Variants in GNAO1 observed in about 807,000 individuals in gnomAD.
GNAO1 encodes guanine nucleotide-binding protein G(o) subunit alpha.
For missense variants in GNAO1, 166 were observed against 478.7 expected, an observed-to-expected ratio of 0.35 and a Z score of 6.10; for synonymous variants, 164 against 180.7, an observed-to-expected ratio of 0.91 and a Z score of 0.74.
chr16:56,268,355 A>G (rs1220271160), intron 2 of GNAO1, among the ~76,000 whole-genome samples: 2 of 152,224 alleles, frequency 1.3e-5, no homozygotes, highest in Non-Finnish European at 2.9e-5. Context: ...GCCTTATCTT[A>G]CCATCTAGAT....
intron 5 of GNAO1, among the ~76,000 whole-genome samples, chr16:56,335,169 GC>G (rs1207509664): frequency 7.9e-5 from 12 of 152,194 alleles, no homozygotes; most frequent in Non-Finnish European, 1.6e-4. Flanking sequence ...CTACCAGGGG[GC>G]CCTTCCAAGG....
At chr16:56,197,307 T>A (rs1410198266) in intron 2 of GNAO1, among the ~76,000 whole-genome samples, 1 of 152,200 alleles carries the variant, frequency 6.6e-6, no homozygotes, top group African/African-American at 2.4e-5. Flanking sequence ...CTGCTTTGCC[T>A]CCCTCCCTTC....
At chr16:56,261,665 C>T (rs568686519) in intron 2 of GNAO1, among the ~76,000 whole-genome samples, 4 of 152,054 alleles carry the variant, frequency 2.6e-5, no homozygotes, top group African/African-American at 9.7e-5. Flanking sequence ...ATCAGCTGAT[C>T]CCCGAAATGC....
chr16:56,245,397 T>C (rs1403163626), intron 2 of GNAO1: 1 of 154,548 alleles, frequency 6.5e-6, no homozygotes, highest in African/African-American at 2.4e-5. Context: ...TTCACAACAC[T>C]GGCCAGTTAA....
chr16:56,334,673 T>C, intron 4 of GNAO1, 56 bp from the exon 5 acceptor site: 1 of 1,598,082 alleles, frequency 6.3e-7, no homozygotes, highest in Non-Finnish European at 8.6e-7. Flanking sequence ...GCCTGGCCAG[T>C]CCCGAACAGT....
intron 3 of GNAO1, chr16:56,277,134 C>T (rs538427467): frequency 1.3e-5 from 2 of 152,238 alleles, no homozygotes; most frequent in African/African-American, 4.8e-5. Context: ...GTCATCCAGC[C>T]CAGGCATTGG....
intron 2 of GNAO1, among the ~76,000 whole-genome samples, chr16:56,259,004 A>G (rs2036878957): frequency 6.6e-6 from 1 of 152,224 alleles, no homozygotes; most frequent in African/African-American, 2.4e-5. Context: ...AGGCACACAT[A>G]CGCGTGGCTT....
intron 3 of GNAO1, among the ~76,000 whole-genome samples, chr16:56,279,324 C>A (rs1308146758): frequency 6.6e-6 from 1 of 152,180 alleles, no homozygotes; most frequent in Non-Finnish European, 1.5e-5. Flanking sequence ...GGTGTGGAGT[C>A]ACTTGGGGCC....
intron 2 of GNAO1, among the ~76,000 whole-genome samples, chr16:56,253,793 G>A (rs2036821151): frequency 6.6e-6 from 1 of 152,240 alleles, no homozygotes; most frequent in Non-Finnish European, 1.5e-5. Context: ...CTTGTGGGAT[G>A]AAGGGGCCAG....
At chr16:56,198,522 G>A (rs1290158928) in intron 2 of GNAO1, among the ~76,000 whole-genome samples, 3 of 152,196 alleles carry the variant, frequency 2.0e-5, no homozygotes, top group Non-Finnish European at 4.4e-5. Flanking sequence ...AGGCTGCCTG[G>A]CTTCAAATCT....
chr16:56,235,288 A>G, intron 2 of GNAO1: 1 of 455,674 alleles, frequency 2.2e-6, no homozygotes, highest in Non-Finnish European at 4.4e-6. Flanking sequence ...AACTTGATAG[A>G]GATTTAGAAT....
rs114863290 is a variant in GNAO1, at chr16:56,324,385, C to G, written c.304-4246C>G. Among the ~76,000 whole-genome samples the G allele has an allele frequency of 2.2e-3, 338 of 152,314 alleles. 2 individuals are homozygous for G. The highest frequency in any genetic ancestry group is 7.7e-3 in the African/African-American group (319 of 41,568). On this transcript the variant is annotated intron_variant, in intron 3 of 8. Coordinates refer to ENST00000262493, the MANE Select transcript of GNAO1 (RefSeq NM_020988.3). ...GCTCTCAGGTCCTGACTTGTTCTGA[C>G]TCAGGTGCTCCACAGATCTACAGAA...
chr16:56,265,886 TC>T (rs1735514062), intron 2 of GNAO1, among the ~76,000 whole-genome samples: 1 of 152,100 alleles, frequency 6.6e-6, no homozygotes, highest in South Asian at 2.1e-4. Context: ...TCTGGCCTCA[TC>T]CCCCACTTTC....
rs151047774 is a variant in GNAO1, at chr16:56,292,109, G to A, written c.303+16037G>A. Among the ~76,000 whole-genome samples the A allele has an allele frequency of 5.4e-4, 82 of 152,260 alleles. 2 individuals are homozygous for A. Among genetic ancestry groups the A allele is most frequent in the South Asian group, 4.8e-3 (23 of 4,818 alleles). On this transcript the variant is annotated intron_variant, in intron 3 of 8. Coordinates refer to ENST00000262493, the MANE Select transcript of GNAO1 (RefSeq NM_020988.3). ...ACATTGCTCCACATTCCCCATCAGC[G>A]TTCCCCAGCAGGCTCTTTCCTAGCA...
At chr16:56,341,586 G>C (rs185011536) in intron 6 of GNAO1, among the ~76,000 whole-genome samples, 1 of 152,342 alleles carries the variant, frequency 6.6e-6, no homozygotes, top group Admixed American at 6.5e-5. Flanking sequence ...ACACGGGGCT[G>C]CTGCAAGACT....
intron 2 of GNAO1, among the ~76,000 whole-genome samples, chr16:56,211,679 G>A (rs1049447945): frequency 3.9e-5 from 6 of 152,158 alleles, no homozygotes; most frequent in Admixed American, 2.0e-4. Context: ...TTTCAGTCGC[G>A]ACTTGAAAAT....
At chr16:56,262,508 A>G (rs1408756690) in intron 2 of GNAO1, among the ~76,000 whole-genome samples, 1 of 152,228 alleles carries the variant, frequency 6.6e-6, no homozygotes, top group African/African-American at 2.4e-5. Context: ...AGGAACATAA[A>G]TAATGAACAA....
chr16:56,341,082 C>G (rs2037798321), intron 6 of GNAO1: 2 of 990,262 alleles, frequency 2.0e-6, no homozygotes, highest in Non-Finnish European at 3.1e-6. Flanking sequence ...ATGCCCCTGA[C>G]TCTGCCACAG....
At chr16:56,285,331 C>T (rs1195419486) in intron 3 of GNAO1, among the ~76,000 whole-genome samples, 1 of 151,556 alleles carries the variant, frequency 6.6e-6, no homozygotes, top group Non-Finnish European at 1.5e-5. Flanking sequence ...AAATATTCCT[C>T]GGCATCAGGA....
Sources: allele counts gnomAD v4.1 joint callset (sites outside exome capture counted in the v4.1 genomes callset), GRCh38; gene constraint gnomAD v4.1.1; transcripts MANE v1.5; gene names NCBI Gene and HGNC (gene_info 2026-07-23, HGNC 2026-07-21).